The following KCNN2 variants were observed in gnomAD, a reference collection of about 807,000 sequenced individuals.
KCNN2 encodes the protein potassium calcium-activated channel subfamily N member 2.
Under a neutral mutation model 55.5 loss-of-function variants are expected in KCNN2, and 24 were observed. The observed-to-expected ratio is 0.43, with a 90% CI of 0.31 to 0.61. The LOEUF (loss-of-function observed/expected upper bound fraction) is 0.61, where lower values mean the gene tolerates loss of function less well. Among genes scored for constraint, KCNN2 ranks in the 20% least tolerant of loss-of-function variants. The pLI, the probability that KCNN2 is intolerant of heterozygous loss-of-function variation, is 0.08. For missense variants in KCNN2, 754 were observed against 853.6 expected (o/e 0.88, Z 1.45); for synonymous variants, 431 against 336.1 (o/e 1.28, Z -3.09).
intron 3 of KCNN2, 61 bp from the exon 4 acceptor site, chr5:114,462,988 A>T: frequency 6.6e-7 from 1 of 1,507,266 alleles, no homozygotes; most frequent in South Asian, 1.2e-5. Flanking sequence ...GAACCAAACC[A>T]CACTTAACTA....
At position 114,401,686 on chromosome 5, in the gene KCNN2, G is replaced by A. The variant is rs116800787; in HGVS notation, c.1219-2752G>A. On this transcript the variant is annotated intron_variant, in intron 2 of 7. Transcript: ENST00000673685. Reference sequence around the variant, plus strand: ...ACTACATGCTAGAGGAGCTGACGTGGAGTTTGGTCTTGAAGGAATACAAAT... The same window carrying A: ...ACTACATGCTAGAGGAGCTGACGTGAAGTTTGGTCTTGAAGGAATACAAAT... Among the ~76,000 whole-genome samples the A allele has an allele frequency of 4.7e-3, 720 of 152,310 alleles. 3 individuals are homozygous for A. Among genetic ancestry groups the A allele is most frequent in the Middle Eastern group, 0.01 (3 of 294 alleles).
At position 114,363,174 on chromosome 5, in the gene KCNN2, G is replaced by T. The variant is rs748037041; in HGVS notation, c.1035G>T (p.Arg345=). ...HRRALFEKRK[R]LSDYALIFGM... is the part of the protein sequence containing the mutation. ...GCGCCCTGTTCGAAAAGCGCAAGCG[G>T]CTCAGCGACTACGCGCTCATCTTCG... The change falls in exon 1 of 8, where the codon CGG becomes CGT. Residue 345 remains arginine, a synonymous_variant. Coordinates refer to ENST00000673685, the MANE Select transcript of KCNN2 (RefSeq NM_021614.4). The T allele has an allele frequency of 3.8e-5, 61 of 1,613,500 alleles. No homozygotes were observed. In the Middle Eastern group the frequency reaches 6.6e-4, roughly 17 times the overall value.
At chr5:114,157,850 G>T (rs10076276) in intron 1 of KCNN2, among the ~76,000 whole-genome samples, 39,847 of 139,576 alleles carry the variant, frequency 0.29, 5,499 homozygotes, top group East Asian at 0.56. Flanking sequence ...TTTTGATGGG[G>T]TTTTTTTTTT....
At chr5:114,344,398 G>A (rs1341801656) in intron 2 of KCNN2, among the ~76,000 whole-genome samples, 1 of 152,156 alleles carries the variant, frequency 6.6e-6, no homozygotes, top group Admixed American at 6.5e-5. Flanking sequence ...AGGGCTGCAA[G>A]TGTAAAGCTT....
chr5:114,152,066 G>T (rs1752540193), intron 1 of KCNN2, among the ~76,000 whole-genome samples: 3 of 152,120 alleles, frequency 2.0e-5, no homozygotes, highest in African/African-American at 7.2e-5. Flanking sequence ...AAAATACGAT[G>T]TTAAAACTAG....
intron 2 of KCNN2, among the ~76,000 whole-genome samples, chr5:114,235,789 A>G (rs78467486): frequency 2.5e-3 from 383 of 152,352 alleles, no homozygotes; most frequent in African/African-American, 8.8e-3. Context: ...AATTTAATCA[A>G]CATTTTCCAA....
chr5:114,482,437 A>G (rs1273605166), intron 5 of KCNN2, among the ~76,000 whole-genome samples: 1 of 152,186 alleles, frequency 6.6e-6, no homozygotes, highest in African/African-American at 2.4e-5. Flanking sequence ...GGGAGTATAA[A>G]TTAATTCAAC....
chr5:114,128,120 A>AT (rs1751976582), intron 1 of KCNN2, among the ~76,000 whole-genome samples: 1 of 152,034 alleles, frequency 6.6e-6, no homozygotes, highest in Admixed American at 6.6e-5. Context: ...TTGCTTCCAC[A>AT]TTTTTGAGTA....
intron 2 of KCNN2, among the ~76,000 whole-genome samples, chr5:114,321,127 T>A (rs1756606385): frequency 6.6e-6 from 1 of 152,228 alleles, no homozygotes; most frequent in Non-Finnish European, 1.5e-5. Flanking sequence ...AGGATGCCTT[T>A]GAACCCAGGT....
chr5:114,301,117 A>G (rs1580706520), intron 2 of KCNN2, among the ~76,000 whole-genome samples: 1 of 151,534 alleles, frequency 6.6e-6, no homozygotes, highest in Non-Finnish European at 1.5e-5. Context: ...GAGTCCTTAC[A>G]TTACTATGTA....
At chr5:114,179,962 A>AT (rs34982835) in intron 1 of KCNN2, among the ~76,000 whole-genome samples, 3 of 152,146 alleles carry the variant, frequency 2.0e-5, no homozygotes, top group Admixed American at 6.6e-5. Flanking sequence ...TTAATCCTAG[A>AT]TTTTTCCCCC....
chr5:114,142,826 A>C (rs532802996), intron 1 of KCNN2, among the ~76,000 whole-genome samples: 35 of 152,346 alleles, frequency 2.3e-4, no homozygotes, highest in African/African-American at 8.2e-4. Context: ...ACCGCCATCA[A>C]GCTACCAATG....
intron 2 of KCNN2, among the ~76,000 whole-genome samples, chr5:114,279,353 C>G (rs375065451): frequency 1.3e-5 from 2 of 151,744 alleles, no homozygotes; most frequent in East Asian, 3.9e-4. Context: ...GCACAGTGTG[C>G]AGGTTTGTTA....
chr5:114,365,666 C>T (rs1010022066), intron 2 of KCNN2, among the ~76,000 whole-genome samples: 2 of 152,164 alleles, frequency 1.3e-5, no homozygotes, highest in East Asian at 1.9e-4. Flanking sequence ...AACTGTGAAA[C>T]GTGAATATTT....
intron 2 of KCNN2, among the ~76,000 whole-genome samples, chr5:114,353,080 A>G (rs996074459): frequency 1.3e-5 from 2 of 151,768 alleles, no homozygotes; most frequent in African/African-American, 2.4e-5. Context: ...ATGCACATAT[A>G]TGTATTTAAA....
chr5:114,427,356 A>G (rs1254496721), intron 3 of KCNN2, among the ~76,000 whole-genome samples: 1 of 152,246 alleles, frequency 6.6e-6, no homozygotes, highest in Non-Finnish European at 1.5e-5. Context: ...AGGAACATTC[A>G]CTAGGACCTT....
At chr5:114,346,628 A>G (rs1408015783) in intron 2 of KCNN2, among the ~76,000 whole-genome samples, 2 of 152,200 alleles carry the variant, frequency 1.3e-5, no homozygotes, top group African/African-American at 4.8e-5. Flanking sequence ...AGACATAGAT[A>G]TTAAATATAG....
At chr5:114,234,677 G>T (rs554163808) in intron 2 of KCNN2, among the ~76,000 whole-genome samples, 2 of 152,226 alleles carry the variant, frequency 1.3e-5, no homozygotes, top group East Asian at 3.9e-4. Context: ...GTGTAAACGG[G>T]AGGTGGAGAG....
chr5:114,455,425 G>A (rs1289270509), intron 3 of KCNN2, among the ~76,000 whole-genome samples: 3 of 152,174 alleles, frequency 2.0e-5, no homozygotes, highest in Admixed American at 2.0e-4. Flanking sequence ...AATGTTGTGT[G>A]TGTTGACTGC....
Sources: gnomAD v4.1 joint callset for allele counts (sites outside exome capture counted in the v4.1 genomes callset) on GRCh38, gnomAD v4.1.1 for gene constraint, MANE v1.5 for transcripts, NCBI Gene and HGNC (gene_info 2026-07-23, HGNC 2026-07-21) for gene names.